Variants in KCNK2 observed in about 807,000 individuals in gnomAD.
The protein encoded by KCNK2 is potassium channel subfamily K member 2.
Under a neutral mutation model 40.5 loss-of-function variants are expected in KCNK2, and 21 were observed. The observed-to-expected ratio is 0.52, with a 90% confidence interval of 0.37 to 0.75. The LOEUF (loss-of-function observed/expected upper bound fraction) is 0.75. Ranked by LOEUF, KCNK2 falls within the 30% of genes least tolerant of loss-of-function variation. The pLI is 0.00. For missense variants in KCNK2, 399 were observed against 531.6 expected, an observed-to-expected ratio of 0.75 and a Z score of 2.45; for synonymous variants, 191 against 202.2, an observed-to-expected ratio of 0.94 and a Z score of 0.47.
chr1:215,056,979 A>G (rs1237210076), intron 1 of KCNK2, among the ~76,000 whole-genome samples: 1 of 152,246 alleles, frequency 6.6e-6, no homozygotes, highest in Non-Finnish European at 1.5e-5. Context: ...TAAAATGTTT[A>G]TTTAAGAACT....
intron 3 of KCNK2, among the ~76,000 whole-genome samples, chr1:215,156,847 G>A (rs537064510): frequency 7.0e-4 from 106 of 152,176 alleles, no homozygotes; most frequent in Non-Finnish European, 1.1e-3. Context: ...CACAAGAACA[G>A]CAAGGGGAAA....
intron 6 of KCNK2, among the ~76,000 whole-genome samples, chr1:215,226,789 G>T (rs1378003478): frequency 6.6e-6 from 1 of 152,170 alleles, no homozygotes; most frequent in East Asian, 1.9e-4. Flanking sequence ...TGATTTAAAA[G>T]ATCTATATAT....
intron 2 of KCNK2, among the ~76,000 whole-genome samples, chr1:215,118,728 C>T (rs759043811): frequency 2.6e-5 from 4 of 152,044 alleles, no homozygotes; most frequent in South Asian, 2.1e-4. Context: ...GGAGAAAAAG[C>T]GGAAAAAATC....
intron 2 of KCNK2, among the ~76,000 whole-genome samples, chr1:215,094,758 A>G (rs1301289144): frequency 1.3e-5 from 2 of 152,152 alleles, no homozygotes; most frequent in African/African-American, 4.8e-5. Flanking sequence ...TAACAAGTTA[A>G]TATTGGATAC....
At chr1:215,145,844 T>A (rs529744311) in intron 3 of KCNK2, among the ~76,000 whole-genome samples, 2 of 152,292 alleles carry the variant, frequency 1.3e-5, no homozygotes, top group South Asian at 4.1e-4. Flanking sequence ...TCAAATTTTG[T>A]GCTAAGAAAT....
At chr1:215,217,850 T>C (rs2102696259) in intron 6 of KCNK2, among the ~76,000 whole-genome samples, 1 of 152,300 alleles carries the variant, frequency 6.6e-6, no homozygotes, top group Non-Finnish European at 1.5e-5. Flanking sequence ...TTCAGGGTTT[T>C]AAAGTTCTGT....
At chr1:215,097,788 A>G (rs942568130) in intron 2 of KCNK2, among the ~76,000 whole-genome samples, 2 of 151,982 alleles carry the variant, frequency 1.3e-5, no homozygotes, top group Non-Finnish European at 2.9e-5. Context: ...CAAATGGCCA[A>G]TTCTTTTAAT....
intron 1 of KCNK2, among the ~76,000 whole-genome samples, chr1:215,061,266 T>C (rs896487691): frequency 6.6e-6 from 1 of 152,158 alleles, no homozygotes; most frequent in African/African-American, 2.4e-5. Flanking sequence ...AATATGGCCT[T>C]GGCTTAATTG....
At chr1:215,161,414 CTCTG>C (rs1364537732) in intron 3 of KCNK2, among the ~76,000 whole-genome samples, 1 of 151,622 alleles carries the variant, frequency 6.6e-6, no homozygotes, top group East Asian at 1.9e-4. Flanking sequence ...CTTTCTCCCT[CTCTG>C]TCTTTTTTTT....
chr1:215,130,562 G>A (rs896272522), intron 3 of KCNK2, among the ~76,000 whole-genome samples: 3 of 152,100 alleles, frequency 2.0e-5, no homozygotes, highest in Admixed American at 2.0e-4. Context: ...TGTCTGACTT[G>A]GAAGCTGTCC....
At chr1:215,208,094 C>G (rs969335739) in intron 6 of KCNK2, among the ~76,000 whole-genome samples, 2 of 152,108 alleles carry the variant, frequency 1.3e-5, no homozygotes, top group African/African-American at 4.8e-5. Context: ...CAACACTATT[C>G]ACAATAGCAA....
intron 1 of KCNK2, among the ~76,000 whole-genome samples, chr1:215,033,566 T>G (rs1657280875): frequency 6.6e-6 from 1 of 152,142 alleles, no homozygotes; most frequent in Non-Finnish European, 1.5e-5. Context: ...TTTCAGTCTT[T>G]TAGCGAGCCT....
intron 6 of KCNK2, among the ~76,000 whole-genome samples, chr1:215,205,016 G>T (rs531195686): frequency 6.6e-6 from 1 of 152,166 alleles, no homozygotes; most frequent in African/African-American, 2.4e-5. Flanking sequence ...GTGTGCCCAT[G>T]TGTGCATGTG....
At chr1:215,168,554 G>A (rs1250338183) in intron 3 of KCNK2, among the ~76,000 whole-genome samples, 2 of 152,266 alleles carry the variant, frequency 1.3e-5, no homozygotes, top group Middle Eastern at 3.4e-3. Context: ...TCCTTTGCAG[G>A]GACATGGATG....
At chr1:215,008,934 A>C (rs890844199) in intron 1 of KCNK2, among the ~76,000 whole-genome samples, 4 of 152,072 alleles carry the variant, frequency 2.6e-5, no homozygotes, top group South Asian at 2.1e-4. Context: ...ATCTAAATCA[A>C]TTTGATTTGT....
intron 1 of KCNK2, among the ~76,000 whole-genome samples, chr1:215,017,299 C>T (rs985961674): frequency 2.0e-5 from 3 of 152,064 alleles, no homozygotes; most frequent in African/African-American, 7.2e-5. Context: ...CCCATGTTTA[C>T]TGCAGCACTA....
At chr1:215,207,407 A>G (rs1332901004) in intron 6 of KCNK2, among the ~76,000 whole-genome samples, 1 of 152,196 alleles carries the variant, frequency 6.6e-6, no homozygotes, top group Non-Finnish European at 1.5e-5. Flanking sequence ...CCATTCCCCC[A>G]GCTCTGTCCG....
intron 1 of KCNK2, among the ~76,000 whole-genome samples, chr1:215,031,587 G>A (rs1657191747): frequency 1.3e-5 from 2 of 152,174 alleles, no homozygotes; most frequent in Admixed American, 6.5e-5. Context: ...GGATTAGGGT[G>A]CTGAGTTGGC....
chr1:215,187,645 C>T (rs568983352), intron 5 of KCNK2, among the ~76,000 whole-genome samples: 50 of 152,066 alleles, frequency 3.3e-4, no homozygotes, highest in Admixed American at 1.3e-4. Context: ...AGGCTGGTAG[C>T]TCCTTTAATA....
Sources: allele counts gnomAD v4.1 joint callset (sites outside exome capture counted in the v4.1 genomes callset), GRCh38; gene constraint gnomAD v4.1.1; transcripts MANE v1.5; gene names NCBI Gene and HGNC (gene_info 2026-07-23, HGNC 2026-07-21).